Variants in SEPTIN2 observed in about 807,000 individuals in gnomAD.
SEPTIN2 encodes the protein septin-2.
In SEPTIN2, 34 loss-of-function variants were observed where a neutral mutation model predicts 46.5. That is an observed-to-expected ratio of 0.73 (90% CI 0.56 to 0.97). SEPTIN2 has a LOEUF of 0.97. SEPTIN2 is among the 50% of genes least tolerant of loss of function. SEPTIN2 has a pLI of 0.00. For missense variants in SEPTIN2, 347 were observed against 448.4 expected, an observed-to-expected ratio of 0.77 and a Z score of 2.04; for synonymous variants, 175 against 153.4, an observed-to-expected ratio of 1.14 and a Z score of -1.04.
intron 3 of SEPTIN2, among the ~76,000 whole-genome samples, chr2:241,327,050 CAAAAAAAAAAAAAAAAA>C (rs59492636): frequency 1.5e-5 from 1 of 66,014 alleles, no homozygotes; most frequent in Non-Finnish European, 2.6e-5. Context: ...AACCTTGTCT[CAAAAAAAAAAAAAAAAA>C]AAAAAAAAAA....
At chr2:241,331,777 T>A (rs939802570) in intron 3 of SEPTIN2, among the ~76,000 whole-genome samples, 6 of 152,114 alleles carry the variant, frequency 3.9e-5, no homozygotes, top group African/African-American at 1.4e-4. Flanking sequence ...AAAAACAGTT[T>A]AGAAAAAGAG....
rs760011491 is a variant in SEPTIN2 at position 241,336,111 on chromosome 2, A to G, written c.341+13A>G. On this transcript the variant is annotated intron_variant, in intron 5 of 12. Coordinates refer to ENST00000391971, the MANE Select transcript of SEPTIN2 (RefSeq NM_004404.5). ...ACTGCAGAGATTGGTATGCTCCCCC[A>G]TGCCCAGGGATCTGCATTTGTTTAC... 5.6e-6 allele frequency: 9 copies of G among 1,612,524 alleles called. No homozygotes were observed. In the Admixed American group the frequency reaches 1.3e-4, roughly 24 times the overall value.
rs115912976 is a variant in SEPTIN2 at position 241,341,688 on chromosome 2, T to C, written c.595-1304T>C. ...TTCTGAATTAGTGCAGACATTGTAC[T>C]AAGACCAAATCTCTGACCATTCAAG... On this transcript the variant is annotated intron_variant, in intron 7 of 12. Transcript: ENST00000391971. Among the ~76,000 whole-genome samples, 466 of 152,344 alleles carry C rather than the reference T, an allele frequency of 3.1e-3. 1 individual carries two copies. The highest frequency in any genetic ancestry group is 0.011 in the African/African-American group (453 of 41,578).
chr2:241,332,154 C>T (rs1299686378), intron 3 of SEPTIN2, among the ~76,000 whole-genome samples: 1 of 120,608 alleles, frequency 8.3e-6, no homozygotes, highest in African/African-American at 2.6e-5. Flanking sequence ...AAGCAGATTT[C>T]TTAAGACATG....
Position 241,318,040 on chromosome 2 carries a change from T to C in SEPTIN2, c.-18+2058T>C, listed in dbSNP as rs2076623136. On this transcript the variant is annotated intron_variant, in intron 1 of 12. Coordinates refer to ENST00000391971, the MANE Select transcript of SEPTIN2 (RefSeq NM_004404.5). ...ACTGAAAACCATGTGCTTCAGAGGT[T>C]CATAATTCCTCTTTCACCTTCCATT... 2.6e-5 allele frequency among the ~76,000 whole-genome samples: 4 copies of C among 152,166 alleles called. No individual in the cohort carries two copies. The South Asian group carries it at 8.3e-4, about 32-fold the overall frequency.
chr2:241,349,633 C>G (rs1286430378), intron 11 of SEPTIN2, among the ~76,000 whole-genome samples: 1 of 151,898 alleles, frequency 6.6e-6, no homozygotes, highest in Non-Finnish European at 1.5e-5. Flanking sequence ...CCAGCCTGAC[C>G]AATGTGGTGA....
intron 3 of SEPTIN2, among the ~76,000 whole-genome samples, chr2:241,329,366 G>A (rs1421273844): frequency 6.6e-6 from 1 of 152,024 alleles, no homozygotes. Flanking sequence ...CTGACTTCGT[G>A]ATCCGCCCGC....
intron 7 of SEPTIN2, among the ~76,000 whole-genome samples, chr2:241,339,252 G>A (rs561444928): frequency 6.6e-6 from 1 of 151,114 alleles, no homozygotes; most frequent in South Asian, 2.1e-4. Flanking sequence ...AGTTAGCCGG[G>A]CGTGGTGGCG....
intron 1 of SEPTIN2, among the ~76,000 whole-genome samples, chr2:241,322,850 AAG>A (rs776896295): frequency 5.9e-5 from 9 of 152,102 alleles, no homozygotes; most frequent in East Asian, 1.9e-4. Flanking sequence ...AAAGGTTTCA[AAG>A]AGAGAGGGGA....
chr2:241,337,138 C>G, intron 5 of SEPTIN2: 1 of 431,684 alleles, frequency 2.3e-6, no homozygotes, highest in African/African-American at 2.0e-5. Flanking sequence ...CACTGGCCCT[C>G]TCTCAGGTGC....
At chr2:241,348,532 A>C (rs908422752) in intron 11 of SEPTIN2, among the ~76,000 whole-genome samples, 1 of 152,174 alleles carries the variant, frequency 6.6e-6, no homozygotes, top group African/African-American at 2.4e-5. Flanking sequence ...TGCCCAGCCA[A>C]AAAGTACTAT....
At position 241,346,247 on chromosome 2, in the gene SEPTIN2, C is replaced by T. The variant is rs1159002742; in HGVS notation, c.924C>T (p.Gly308=). The change falls in exon 10 of 13, where the codon GGC becomes GGT. Residue 308 remains glycine, a splice_region_variant and synonymous_variant. Coordinates refer to ENST00000391971, the MANE Select transcript of SEPTIN2 (RefSeq NM_004404.5). ...NFRSERLKRG[G]RKVENEDMNK... ...GTTCTGAGAGACTCAAGAGAGGCGG[C>T]AGGTCATCACACTGTGCCCCTTTCT... The T allele has an allele frequency of 6.2e-7, 1 of 1,612,894 alleles. No individual in the cohort carries two copies. Among genetic ancestry groups the T allele is most frequent in the Non-Finnish European group, 8.5e-7 (1 of 1,179,206 alleles).
intron 1 of SEPTIN2, chr2:241,316,500 G>T: frequency 6.6e-7 from 1 of 1,510,258 alleles, no homozygotes; most frequent in Non-Finnish European, 8.8e-7. Flanking sequence ...GAGCGACTAG[G>T]CCCTGTCTGC....
At chr2:241,327,073 A>G (rs1266101918) in intron 3 of SEPTIN2, among the ~76,000 whole-genome samples, 3 of 151,520 alleles carry the variant, frequency 2.0e-5, no homozygotes, top group African/African-American at 7.3e-5. Context: ...AAAAAAAAAA[A>G]AAAAATCCAG....
intron 3 of SEPTIN2, among the ~76,000 whole-genome samples, chr2:241,327,551 A>G (rs988763477): frequency 4.0e-5 from 6 of 151,720 alleles, no homozygotes; most frequent in South Asian, 2.1e-4. Flanking sequence ...GAATTGTGCA[A>G]TTTTCAGCAA....
At position 241,352,279 on chromosome 2, in the gene SEPTIN2, A is replaced by C. The variant is rs1390108936; in HGVS notation, c.*342A>C. On this transcript the variant is annotated 3_prime_UTR_variant, in exon 13 of 13. Coordinates refer to ENST00000391971, the MANE Select transcript of SEPTIN2 (RefSeq NM_004404.5). ...TTTGATTTAACTGACTTAACAACTG[A>C]CTAACCATTGATGAGCACTCCTGAT... 6.6e-6 allele frequency: 1 copy of C among 152,630 alleles called. No homozygotes were observed. The highest frequency in any genetic ancestry group is 1.9e-4 in the East Asian group (1 of 5,190). 9.5% of individuals were successfully genotyped at this position (152,630 alleles called of 1,614,324 possible). A position where few individuals can be genotyped will look rare whatever the true frequency, so the allele number is the denominator to read the frequency against.
In SEPTIN2 at chr2:241,343,568, C is replaced by T. The variant is rs1015257610; in HGVS notation, c.697-184C>T. Among the ~76,000 whole-genome samples the T allele has an allele frequency of 8.5e-5, 13 of 152,116 alleles. No homozygotes were observed. In the East Asian group the frequency reaches 1.5e-3, roughly 18 times the overall value. ...TTTTATTGTAGGTTTAATTTGTTTTCGTACAATTTGTCCCATGTAGAAAGT... is the reference window on the plus strand; with the variant it reads ...TTTTATTGTAGGTTTAATTTGTTTTTGTACAATTTGTCCCATGTAGAAAGT... On this transcript the variant is annotated intron_variant, in intron 8 of 12. Coordinates refer to ENST00000391971, the MANE Select transcript of SEPTIN2 (RefSeq NM_004404.5).
chr2:241,345,064 G>C (rs2081821791), intron 9 of SEPTIN2, among the ~76,000 whole-genome samples: 1 of 151,982 alleles, frequency 6.6e-6, no homozygotes, highest in Non-Finnish European at 1.5e-5. Flanking sequence ...AGTGAGCCGG[G>C]ATTGCGCCAC....
chr2:241,317,448 C>T (rs894165965), intron 1 of SEPTIN2: 25 of 736,766 alleles, frequency 3.4e-5, no homozygotes, highest in East Asian at 1.3e-4. Context: ...CAGGGTTTCC[C>T]TCTATCATTC....
Sources: allele counts gnomAD v4.1 joint callset (sites outside exome capture counted in the v4.1 genomes callset), GRCh38; gene constraint gnomAD v4.1.1; transcripts MANE v1.5; gene names NCBI Gene and HGNC (gene_info 2026-07-23, HGNC 2026-07-21).